Variants in HHIP observed in about 807,000 individuals in gnomAD.
The protein encoded by HHIP is hedgehog-interacting protein.
HHIP carries 12 observed loss-of-function variants against 74.0 expected under a neutral mutation model. That is an observed-to-expected ratio of 0.16 (90% CI 0.10 to 0.26). HHIP has a LOEUF of 0.26. Ranked by LOEUF, HHIP falls within the 10% of genes least tolerant of loss-of-function variation. The pLI is 1.00. For synonymous variants in HHIP, 309 were observed against 311.6 expected (o/e 0.99, Z 0.09); for missense variants, 788 against 845.0 (o/e 0.93, Z 0.84).
At chr4:144,736,040 G>A (rs917268138) in intron 12 of HHIP, among the ~76,000 whole-genome samples, 1 of 151,592 alleles carries the variant, frequency 6.6e-6, no homozygotes, top group Non-Finnish European at 1.5e-5. Context: ...CCAAAAATAT[G>A]AGAATCAGTA....
At chr4:144,682,272 C>A (rs78594569) in intron 4 of HHIP, among the ~76,000 whole-genome samples, 3 of 152,156 alleles carry the variant, frequency 2.0e-5, no homozygotes, top group African/African-American at 7.2e-5. Context: ...TTAGACAGCA[C>A]GAGTAATAGA....
chr4:144,733,390 C>T (rs1326863152), intron 11 of HHIP, among the ~76,000 whole-genome samples: 3 of 152,126 alleles, frequency 2.0e-5, no homozygotes, highest in Non-Finnish European at 4.4e-5. Flanking sequence ...AGGGAAGCCA[C>T]CGTACATTTT....
intron 1 of HHIP, among the ~76,000 whole-genome samples, chr4:144,647,424 T>C (rs940359289): frequency 5.9e-5 from 9 of 152,212 alleles, no homozygotes; most frequent in Admixed American, 3.9e-4. Context: ...GGTTGGTTTA[T>C]GATCCCCAGC....
chr4:144,649,511 C>T (rs1038700780), intron 1 of HHIP, among the ~76,000 whole-genome samples: 2 of 152,006 alleles, frequency 1.3e-5, no homozygotes, highest in Admixed American at 6.6e-5. Context: ...TTGTTAACTA[C>T]CATGACAAAT....
chr4:144,703,122 G>C (rs1156816846), intron 4 of HHIP, among the ~76,000 whole-genome samples: 3 of 151,794 alleles, frequency 2.0e-5, no homozygotes, highest in African/African-American at 7.3e-5. Flanking sequence ...GCTGAGGCAG[G>C]AGAATCACTT....
rs145942246 is a variant in HHIP, at chr4:144,693,738, G to A, written c.832-12793G>A. Among the ~76,000 whole-genome samples, 149 of 151,874 alleles carry A rather than the reference G, an allele frequency of 9.8e-4. 3 individuals carry two copies. In the East Asian group the frequency reaches 0.022, roughly 22 times the overall value. ...GTTCACACATTTATTCTATCTGAAT[G>A]GAGTAGACCATAATTTCTTTCCTAT... On this transcript the variant is annotated intron_variant, in intron 4 of 12. Coordinates refer to ENST00000296575, the MANE Select transcript of HHIP (RefSeq NM_022475.3).
chr4:144,683,629 G>A (rs1009358324), intron 4 of HHIP, among the ~76,000 whole-genome samples: 1 of 152,180 alleles, frequency 6.6e-6, no homozygotes, highest in Non-Finnish European at 1.5e-5. Context: ...ATATGGTAAT[G>A]ACTTAGATTC....
chr4:144,708,032 T>G (rs1730193895), intron 6 of HHIP, 136 bp from the exon 7 acceptor site: 3 of 900,034 alleles, frequency 3.3e-6, no homozygotes, highest in Non-Finnish European at 3.4e-6. Flanking sequence ...CGTGAGCCAC[T>G]GCATCCAGCC....
At chr4:144,675,796 G>A (rs969692799) in intron 4 of HHIP, among the ~76,000 whole-genome samples, 6 of 152,004 alleles carry the variant, frequency 3.9e-5, no homozygotes, top group African/African-American at 1.5e-4. Context: ...AGAATGTTTA[G>A]GTATATGAGT....
intron 11 of HHIP, among the ~76,000 whole-genome samples, chr4:144,728,998 G>A (rs1048001987): frequency 1.3e-5 from 2 of 152,072 alleles, no homozygotes; most frequent in Admixed American, 6.6e-5. Flanking sequence ...AAGAAACACC[G>A]ATATGACCAG....
intron 4 of HHIP, among the ~76,000 whole-genome samples, chr4:144,669,524 C>CA (rs1728972767): frequency 6.6e-6 from 1 of 152,144 alleles, no homozygotes; most frequent in African/African-American, 2.4e-5. Flanking sequence ...TGCAATTCCT[C>CA]AGTCCTCAGC....
intron 9 of HHIP, 93 bp from the exon 10 acceptor site, chr4:144,715,207 T>C: frequency 8.0e-7 from 1 of 1,243,818 alleles, no homozygotes; most frequent in South Asian, 1.4e-5. Context: ...GGCAAAGCAA[T>C]TGTTTGTTAT....
chr4:144,651,078 A>G (rs1728415778), intron 1 of HHIP: 1 of 152,140 alleles, frequency 6.6e-6, no homozygotes, highest in South Asian at 2.1e-4. Flanking sequence ...AACAAACAGA[A>G]CACAGTTGAA....
chr4:144,659,619 T>A lies in HHIP; in HGVS notation c.630-18T>A. ...TTCATCTCAAGAAAAGCTTACCGGTTTTCTTTAATTTGTTTAGAAAGCACA... is the reference window on the plus strand; with the variant it reads ...TTCATCTCAAGAAAAGCTTACCGGTATTCTTTAATTTGTTTAGAAAGCACA... On this transcript the variant is annotated intron_variant, in intron 3 of 12. Coordinates refer to ENST00000296575, the MANE Select transcript of HHIP (RefSeq NM_022475.3). 1 of 1,434,674 alleles carries A rather than the reference T, an allele frequency of 7.0e-7. No homozygotes were observed. The highest frequency in any genetic ancestry group is 9.2e-7 in the Non-Finnish European group (1 of 1,089,962). 88.9% of individuals were successfully genotyped at this position (1,434,674 alleles called of 1,614,324 possible). A position where few individuals can be genotyped will look rare whatever the true frequency, so the allele number is the denominator to read the frequency against.
intron 4 of HHIP, among the ~76,000 whole-genome samples, chr4:144,667,969 T>C (rs1000995420): frequency 7.2e-5 from 11 of 152,008 alleles, no homozygotes; most frequent in African/African-American, 2.7e-4. Flanking sequence ...TAACATGAAA[T>C]GGATGTTACA....
chr4:144,662,974 C>T (rs1158600735), intron 4 of HHIP, among the ~76,000 whole-genome samples: 1 of 152,092 alleles, frequency 6.6e-6, no homozygotes, highest in Non-Finnish European at 1.5e-5. Context: ...AGTATAATCA[C>T]CCAGGAGCTT....
chr4:144,698,962 C>T (rs1729899990), intron 4 of HHIP, among the ~76,000 whole-genome samples: 2 of 152,096 alleles, frequency 1.3e-5, no homozygotes, highest in South Asian at 4.1e-4. Context: ...GCTAAGTAAC[C>T]TTTCAGGTTC....
At chr4:144,708,680 T>G (rs1730213723) in intron 7 of HHIP, among the ~76,000 whole-genome samples, 1 of 152,200 alleles carries the variant, frequency 6.6e-6, no homozygotes, top group Admixed American at 6.5e-5. Context: ...TCCCACTAAG[T>G]CTTAAGTTCT....
At chr4:144,722,619 G>A (rs562904515) in intron 11 of HHIP, among the ~76,000 whole-genome samples, 10 of 152,222 alleles carry the variant, frequency 6.6e-5, no homozygotes, top group East Asian at 5.8e-4. Flanking sequence ...TTGGGAGGCC[G>A]AGATGGGAGG....
Sources: allele counts gnomAD v4.1 joint callset (sites outside exome capture counted in the v4.1 genomes callset), GRCh38; gene constraint gnomAD v4.1.1; transcripts MANE v1.5; gene names NCBI Gene and HGNC (gene_info 2026-07-23, HGNC 2026-07-21).